CPN1: variants seen among roughly 807,000 people sequenced by gnomAD.
CPN1 encodes the protein carboxypeptidase N subunit 1.
CPN1 carries 37 observed loss-of-function variants against 46.4 expected under a neutral mutation model. The ratio of observed to expected loss-of-function variants is 0.80; its 90% CI spans 0.61 to 1.05. The LOEUF (loss-of-function observed/expected upper bound fraction) is 1.05. Among genes scored for constraint, CPN1 ranks in the 50% least tolerant of loss-of-function variants. The pLI is 0.00. For missense variants in CPN1, 563 were observed against 602.6 expected, an observed-to-expected ratio of 0.93 and a Z score of 0.69; for synonymous variants, 224 against 235.4, an observed-to-expected ratio of 0.95 and a Z score of 0.44.
intron 7 of CPN1, among the ~76,000 whole-genome samples, chr10:100,054,053 A>C (rs553772101): frequency 6.6e-6 from 1 of 152,082 alleles, no homozygotes; most frequent in South Asian, 2.1e-4. Context: ...TGCGGTAGCA[A>C]CTCCTGAATG....
chr10:100,065,813 G>A (rs2041451692), intron 3 of CPN1, among the ~76,000 whole-genome samples: 2 of 151,834 alleles, frequency 1.3e-5, no homozygotes, highest in African/African-American at 4.8e-5. Flanking sequence ...CTCTGGGGTG[G>A]GATGTTGATG....
chr10:100,065,661 C>T (rs1181237673), intron 3 of CPN1, among the ~76,000 whole-genome samples: 1 of 152,064 alleles, frequency 6.6e-6, no homozygotes, highest in Non-Finnish European at 1.5e-5. Context: ...CTGTATGATA[C>T]CATAATGGTG....
At chr10:100,061,231 T>C (rs1417103996) in intron 5 of CPN1, among the ~76,000 whole-genome samples, 2 of 152,166 alleles carry the variant, frequency 1.3e-5, no homozygotes, top group Admixed American at 1.3e-4. Flanking sequence ...AATTGGAATG[T>C]TGGTAACACA....
intron 3 of CPN1, among the ~76,000 whole-genome samples, chr10:100,067,644 C>T (rs1047560753): frequency 9.2e-5 from 14 of 152,176 alleles, no homozygotes; most frequent in Non-Finnish European, 1.2e-4. Context: ...TCCCACACAG[C>T]GTGATCACCA....
intron 3 of CPN1, 78 bp downstream of exon 3, chr10:100,069,636 A>G (rs2041473138): frequency 1.3e-6 from 2 of 1,554,466 alleles, no homozygotes; most frequent in African/African-American, 1.4e-5. Flanking sequence ...TAGTTGATGT[A>G]AAGATGGCTT....
intron 2 of CPN1, among the ~76,000 whole-genome samples, chr10:100,072,138 T>C (rs2041489318): frequency 6.6e-6 from 1 of 152,126 alleles, no homozygotes; most frequent in African/African-American, 2.4e-5. Flanking sequence ...AACTGCCGAG[T>C]CATAAGCTAA....
At chr10:100,065,469 A>T in intron 3 of CPN1, 99 bp from the exon 4 acceptor site, 2 of 1,268,348 alleles carry the variant, frequency 1.6e-6, no homozygotes, top group Non-Finnish European at 1.1e-6. Context: ...GAGGAGATAA[A>T]ATGTCTGAAT....
chr10:100,055,259 T>C (rs1156296919), intron 6 of CPN1, among the ~76,000 whole-genome samples: 3 of 151,790 alleles, frequency 2.0e-5, no homozygotes, highest in Non-Finnish European at 4.4e-5. Flanking sequence ...ATTTGTAATG[T>C]TGTGCGACCA....
rs767031238 is a variant in CPN1, at chr10:100,042,408, T to C, written c.*19A>G. 7.3e-5 allele frequency: 118 copies of C among 1,612,368 alleles called. No individual in the cohort carries two copies. In the South Asian group the frequency reaches 1.2e-3, roughly 17 times the overall value. On this transcript the variant is annotated 3_prime_UTR_variant, in exon 9 of 9. Coordinates refer to ENST00000370418, the MANE Select transcript of CPN1 (RefSeq NM_001308.3). ...GCAGGAGCAAAGCCTTTCTGAAGGG[T>C]TGCCTGGCACTGTGGGTTTCAGGCA... is the stretch of plus-strand genomic sequence containing the variant.
At chr10:100,074,075 A>G (rs2041501233) in intron 2 of CPN1, among the ~76,000 whole-genome samples, 1 of 151,970 alleles carries the variant, frequency 6.6e-6, no homozygotes, top group African/African-American at 2.4e-5. Context: ...AGGTCAACTG[A>G]TTAGCAACCT....
At chr10:100,044,327 C>T (rs947283502) in intron 8 of CPN1, among the ~76,000 whole-genome samples, 1 of 151,964 alleles carries the variant, frequency 6.6e-6, no homozygotes, top group Admixed American at 6.6e-5. Context: ...ATGTGGAAGG[C>T]CTTGGGGAAA....
intron 5 of CPN1, among the ~76,000 whole-genome samples, chr10:100,061,574 G>C (rs11597528): frequency 0.31 from 46,595 of 152,000 alleles, 7,913 homozygotes; most frequent in Non-Finnish European, 0.4. Flanking sequence ...CTAATCAAGA[G>C]ACCACACTGT....
chr10:100,050,134 C>A (rs1028003132), intron 7 of CPN1, among the ~76,000 whole-genome samples: 2 of 152,118 alleles, frequency 1.3e-5, no homozygotes, highest in East Asian at 3.9e-4. Flanking sequence ...GGGTGGATCA[C>A]CTGAGGTCAG....
At chr10:100,080,673 G>A (rs1480188791) in intron 1 of CPN1, among the ~76,000 whole-genome samples, 1 of 152,124 alleles carries the variant, frequency 6.6e-6, no homozygotes, top group Non-Finnish European at 1.5e-5. Context: ...TGGGTGGATC[G>A]CCTGAGCCCA....
chr10:100,069,926 T>C (rs2041475114), intron 2 of CPN1, 57 bp from the exon 3 acceptor site: 5 of 1,602,754 alleles, frequency 3.1e-6, no homozygotes, highest in Non-Finnish European at 4.3e-6. Flanking sequence ...CTATATTTTC[T>C]AACTTTTTTT....
chr10:100,081,642 A>G lies in CPN1; in HGVS notation c.-17T>C. Reference sequence around the variant, plus strand: ...GTCTGACATCTTGCTGGGCTTTTTCAAAGAGAGCCACTGAAACGCGCCCCA... The same window carrying G: ...GTCTGACATCTTGCTGGGCTTTTTCGAAGAGAGCCACTGAAACGCGCCCCA... On this transcript the variant is annotated 5_prime_UTR_variant, in exon 1 of 9. Coordinates refer to ENST00000370418, the MANE Select transcript of CPN1 (RefSeq NM_001308.3). The G allele has an allele frequency of 1.2e-6, 2 of 1,611,032 alleles. No individual in the cohort carries two copies. The highest frequency in any genetic ancestry group is 1.7e-6 in the Non-Finnish European group (2 of 1,177,620).
At position 100,075,969 on chromosome 10, in the gene CPN1, G is replaced by T. The variant is rs763408059; in HGVS notation, c.362C>A (p.Thr121Lys). The change falls in exon 2 of 9, where the codon ACG becomes AAG. Residue 121 changes from threonine (T) to lysine (K), a missense_variant. Physicochemically the swap from Thr to Lys is moderately conservative, Grantham distance 78. Coordinates refer to ENST00000370418, the MANE Select transcript of CPN1 (RefSeq NM_001308.3). The part of the protein sequence containing the change: ...NQRIVQLIQD[T>K]RIHILPSMNP... The stretch of plus-strand genomic sequence containing the variant: ...CATGGATGGCAGGATGTGAATGCGC[G>T]TGTCCTGGATGAGCTGGACGATGCG... The T allele has an allele frequency of 6.2e-7, 1 of 1,614,140 alleles. No individual in the cohort carries two copies. Among genetic ancestry groups the T allele is most frequent in the Non-Finnish European group, 8.5e-7 (1 of 1,180,036 alleles).
intron 1 of CPN1, among the ~76,000 whole-genome samples, chr10:100,079,263 G>A (rs1037658088): frequency 1.3e-5 from 2 of 152,212 alleles, no homozygotes; most frequent in Non-Finnish European, 2.9e-5. Context: ...GGCCCATGAG[G>A]GCAGGGTCTT....
intron 2 of CPN1, 84 bp downstream of exon 2, chr10:100,075,827 G>T: frequency 7.5e-7 from 1 of 1,334,560 alleles, no homozygotes; most frequent in Non-Finnish European, 1.1e-6. Context: ...ATTTACAGTG[G>T]GACAGAGAGG....
Sources: allele counts gnomAD v4.1 joint callset (sites outside exome capture counted in the v4.1 genomes callset), GRCh38; gene constraint gnomAD v4.1.1; transcripts MANE v1.5; gene names NCBI Gene and HGNC (gene_info 2026-07-23, HGNC 2026-07-21).